MANSC1: variants seen among roughly 807,000 people sequenced by gnomAD.
MANSC1 encodes the protein MANSC domain-containing protein 1.
MANSC1 carries 13 observed loss-of-function variants against 14.1 expected under a neutral mutation model. The observed-to-expected ratio is 0.92, with a 90% CI of 0.60 to 1.46. The LOEUF (loss-of-function observed/expected upper bound fraction) is 1.46. Ranked by LOEUF, MANSC1 falls within the 40% of genes most tolerant of loss-of-function variation. The probability of loss-of-function intolerance (pLI) is 0.00; values close to 1 mark genes in which losing one functional copy is unlikely to be tolerated. For missense variants in MANSC1, 486 were observed against 511.4 expected (o/e 0.95, Z 0.48); for synonymous variants, 227 against 200.7 (o/e 1.13, Z -1.11).
At position 12,335,202 on chromosome 12, in the gene MANSC1, C is replaced by G. The variant is rs908441448; in HGVS notation, c.364+3218G>C. ...GAATAGCCCATATGTCCACTACTCT[C>G]TCCATCTCGCCCGCCACTCCCTGTT... On this transcript the variant is annotated intron_variant, in intron 3 of 3. Transcript: ENST00000535902. Among the ~76,000 whole-genome samples the G allele has an allele frequency of 2.6e-5, 4 of 152,152 alleles. No homozygotes were observed. In the East Asian group the frequency reaches 5.8e-4, roughly 22 times the overall value.
At position 12,328,309 on chromosome 12, in the gene MANSC1, G is replaced by A. The variant is rs1862731780; in HGVS notation, c.*1718C>T. The A allele has an allele frequency of 6.6e-6, 1 of 152,130 alleles. No individual in the cohort carries two copies. Among genetic ancestry groups the A allele is most frequent in the Non-Finnish European group, 1.5e-5 (1 of 68,042 alleles). 9.4% of individuals were successfully genotyped at this position (152,130 alleles called of 1,614,324 possible). ...GTCTGGCTCTGTTGCCCAGGCTGGA[G>A]CGCAATGGTGCAATCTGGCTCACCG... On this transcript the variant is annotated 3_prime_UTR_variant, in exon 4 of 4. Coordinates refer to ENST00000535902, the MANE Select transcript of MANSC1 (RefSeq NM_018050.4).
chr12:12,349,585 T>TAA (rs1863051463), intron 1 of MANSC1, among the ~76,000 whole-genome samples: 1 of 152,184 alleles, frequency 6.6e-6, no homozygotes, highest in African/African-American at 2.4e-5. Context: ...CCCTGAGTTT[T>TAA]AACGTCTGCA....
chr12:12,340,230 T>C (rs987200401), intron 2 of MANSC1, among the ~76,000 whole-genome samples: 1 of 152,218 alleles, frequency 6.6e-6, no homozygotes, highest in Non-Finnish European at 1.5e-5. Flanking sequence ...GAGGTCAGCG[T>C]ATCCCTGGTC....
chr12:12,340,118 T>G (rs1465896616), intron 2 of MANSC1, among the ~76,000 whole-genome samples: 1 of 152,214 alleles, frequency 6.6e-6, no homozygotes, highest in Admixed American at 6.6e-5. Context: ...AGCTGCTGGC[T>G]TCTTTTTCTG....
chr12:12,340,233 C>A (rs1862916774), intron 2 of MANSC1, among the ~76,000 whole-genome samples: 1 of 152,142 alleles, frequency 6.6e-6, no homozygotes, highest in African/African-American at 2.4e-5. Flanking sequence ...GTCAGCGTAT[C>A]CCTGGTCAGG....
At chr12:12,347,041 A>G (rs1592038619) in intron 1 of MANSC1, among the ~76,000 whole-genome samples, 1 of 151,990 alleles carries the variant, frequency 6.6e-6, no homozygotes, top group Admixed American at 6.6e-5. Flanking sequence ...TTCTCGCACC[A>G]GGGACCAGTT....
intron 1 of MANSC1, among the ~76,000 whole-genome samples, chr12:12,344,914 CCCATATAT>C (rs1451732314): frequency 2.6e-4 from 13 of 49,344 alleles, no homozygotes; most frequent in African/African-American, 8.4e-4. Context: ...TTAATAAACT[CCCATATAT>C]ATATATATAT....
chr12:12,345,742 G>C (rs1461808679), intron 1 of MANSC1, among the ~76,000 whole-genome samples: 1 of 152,110 alleles, frequency 6.6e-6, no homozygotes, highest in Non-Finnish European at 1.5e-5. Flanking sequence ...TTTAACCTTT[G>C]TTTATTAACC....
chr12:12,332,272 C>T (rs1291021203), intron 3 of MANSC1, among the ~76,000 whole-genome samples: 1 of 152,228 alleles, frequency 6.6e-6, no homozygotes, highest in Non-Finnish European at 1.5e-5. Context: ...CAATTCACCT[C>T]CATGCCAGTT....
rs1862893405 is a variant in MANSC1, at chr12:12,338,768, T to C, written c.224-208A>G. ...AAACATTGGGTTTAGCTTTTTTTTT[T>C]TCACAAGGTGGCACCGAAGGCGAAG... On this transcript the variant is annotated intron_variant, in intron 2 of 3. Coordinates refer to ENST00000535902, the MANE Select transcript of MANSC1 (RefSeq NM_018050.4). 4.6e-5 allele frequency: 28 copies of C among 605,426 alleles called. No individual in the cohort carries two copies. In the South Asian group the frequency reaches 5.9e-4, roughly 13 times the overall value. 37.5% of individuals were successfully genotyped at this position (605,426 alleles called of 1,614,324 possible).
At position 12,328,268 on chromosome 12, in the gene MANSC1, T is replaced by C. The variant is rs73061429; in HGVS notation, c.*1759A>G. 3 of 152,252 alleles carry C rather than the reference T, an allele frequency of 2.0e-5. No individual in the cohort carries two copies. Among genetic ancestry groups the C allele is most frequent in the Non-Finnish European group, 4.4e-5 (3 of 68,034 alleles). 9.4% of individuals were successfully genotyped at this position (152,252 alleles called of 1,614,324 possible). ...ATGTTAGTGCTAGTTATTATTATTA[T>C]TATTTTTGAGACGGAGTCTGGCTCT... On this transcript the variant is annotated 3_prime_UTR_variant, in exon 4 of 4. Transcript: ENST00000535902.
chr12:12,331,774 G>A (rs1168882359), intron 3 of MANSC1, among the ~76,000 whole-genome samples: 1 of 152,190 alleles, frequency 6.6e-6, no homozygotes, highest in East Asian at 1.9e-4. Context: ...CACAGCAGCA[G>A]CAGAACAGCA....
chr12:12,347,452 C>T (rs2135999588), intron 1 of MANSC1, among the ~76,000 whole-genome samples: 1 of 152,330 alleles, frequency 6.6e-6, no homozygotes, highest in East Asian at 1.9e-4. Flanking sequence ...CACTGCTCAC[C>T]TCCTGCTGTG....
intron 1 of MANSC1, among the ~76,000 whole-genome samples, chr12:12,349,581 G>A (rs1863051153): frequency 6.6e-6 from 1 of 152,172 alleles, no homozygotes; most frequent in South Asian, 2.1e-4. Flanking sequence ...ATGCCCCTGA[G>A]TTTTAACGTC....
At position 12,330,322 on chromosome 12, in the gene MANSC1, T is replaced by C; in HGVS notation, c.1001A>G (p.Asn334Ser). 5 of 1,614,206 alleles carry C rather than the reference T, an allele frequency of 3.1e-6. No homozygotes were observed. The highest frequency in any genetic ancestry group is 4.2e-6 in the Non-Finnish European group (5 of 1,180,016). ...EISNLTLNTG[N>S]VYNPTALSMS... ...AGAAAGTGCAGTAGGGTTATACACA[T>C]TCCCTGTGTTCAAAGTTAGGTTGGA... Residue 334 changes from asparagine to serine, a missense_variant, in exon 4 of 4, where the codon AAT becomes AGT. Physicochemically the swap from Asn to Ser is conservative, Grantham distance 46. Transcript: ENST00000535902.
rs770162136 is a variant in MANSC1 at position 12,330,451 on chromosome 12, G to A, written c.872C>T (p.Ala291Val). ...TGTAGCCATTGCTTGGAGTGTAGCCGCAGCCCGTGTAAAAACTGTAGAAAT... is the reference window on the plus strand; with the variant it reads ...TGTAGCCATTGCTTGGAGTGTAGCCACAGCCCGTGTAAAAACTGTAGAAAT... ...TLISTVFTRA[A>V]ATLQAMATTA... The change falls in exon 4 of 4, where the codon GCG becomes GTG. Residue 291 changes from alanine (A) to valine (V), a missense_variant. By Grantham distance (64) the Ala-to-Val change is moderately conservative (BLOSUM62 0). Coordinates refer to ENST00000535902, the MANE Select transcript of MANSC1 (RefSeq NM_018050.4). 27 of 1,614,044 alleles carry A rather than the reference G, an allele frequency of 1.7e-5. No individual in the cohort carries two copies. The highest frequency in any genetic ancestry group is 4.5e-5 in the East Asian group (2 of 44,900).
At chr12:12,341,668 C>G (rs1262678199) in intron 2 of MANSC1, among the ~76,000 whole-genome samples, 1 of 152,162 alleles carries the variant, frequency 6.6e-6, no homozygotes, top group African/African-American at 2.4e-5. Context: ...CTTTGTCACC[C>G]AGGCTGGAGT....
In MANSC1 at chr12:12,334,109, C is replaced by T. The variant is rs375806743; in HGVS notation, c.365-3151G>A. Among the ~76,000 whole-genome samples, 26 of 151,864 alleles carry T rather than the reference C, an allele frequency of 1.7e-4. 1 individual carries two copies. In the South Asian group the frequency reaches 5.4e-3, roughly 31 times the overall value. The stretch of plus-strand genomic sequence containing the variant: ...GCTACAAAACATTTTAAAAAATTAG[C>T]CTGGCATGGTGGTGCATTATCTGTA... On this transcript the variant is annotated intron_variant, in intron 3 of 3. Transcript: ENST00000535902.
intron 1 of MANSC1, among the ~76,000 whole-genome samples, chr12:12,347,036 G>A (rs1050591291): frequency 6.6e-5 from 10 of 151,690 alleles, no homozygotes; most frequent in African/African-American, 1.9e-4. Flanking sequence ...AGCCTTTCTC[G>A]CACCAGGGAC....
Sources: allele counts gnomAD v4.1 joint callset (sites outside exome capture counted in the v4.1 genomes callset), GRCh38; gene constraint gnomAD v4.1.1; transcripts MANE v1.5; gene names NCBI Gene and HGNC (gene_info 2026-07-23, HGNC 2026-07-21).